The following SMG8 variants were observed in gnomAD, a reference collection of about 807,000 sequenced individuals.
The protein encoded by SMG8 is nonsense-mediated mRNA decay factor SMG8.
In SMG8, 49 loss-of-function variants were observed where a neutral mutation model predicts 82.1. The ratio of observed to expected loss-of-function variants is 0.60; its 90% confidence interval spans 0.47 to 0.76. The LOEUF (loss-of-function observed/expected upper bound fraction) is 0.76. Ranked by LOEUF, SMG8 falls within the 30% of genes least tolerant of loss-of-function variation. SMG8 has a pLI of 0.00. For missense variants in SMG8, 969 were observed against 1,166.4 expected, an observed-to-expected ratio of 0.83 and a Z score of 2.46; for synonymous variants, 404 against 430.0, an observed-to-expected ratio of 0.94 and a Z score of 0.75.
Position 59,210,045 on chromosome 17 carries a change from C to G in SMG8, c.-7C>G. 6.5e-7 allele frequency: 1 copy of G among 1,532,126 alleles called. No individual in the cohort carries two copies. The highest frequency in any genetic ancestry group is 1.8e-4 in the Middle Eastern group (1 of 5,676). 94.9% of individuals were successfully genotyped at this position (1,532,126 alleles called of 1,614,324 possible). On this transcript the variant is annotated 5_prime_UTR_variant, in exon 1 of 4. Transcript: ENST00000300917. ...GACCGGAAGGACTCTAGAGAACGCT[C>G]TGCACTATGGCTGGTCCCGTGAGCT... is the stretch of plus-strand genomic sequence containing the variant.
chr17:59,211,184 G>C lies in SMG8; in HGVS notation c.1133G>C (p.Arg378Pro). ...CCTGCACCCCTTTCTGGGCCTAGGC[G>C]ATACCAGGTGATGAGGCAGCACAGC... ...LVPAPLSGPRRYQVMRQHSRQ... is the reference protein window; with the variant it reads ...LVPAPLSGPRPYQVMRQHSRQ... The change falls in exon 1 of 4, where the codon CGA becomes CCA. Residue 378 changes from arginine (R) to proline (P), a missense_variant. Around this residue, in one of 3 missense-constraint regions of SMG8, gnomAD observed 662 missense variants for 884.8 expected, o/e 0.75. Transcript: ENST00000300917. The C allele has an allele frequency of 6.2e-7, 1 of 1,614,226 alleles. No homozygotes were observed. Among genetic ancestry groups the C allele is most frequent in the Non-Finnish European group, 8.5e-7 (1 of 1,180,026 alleles).
In SMG8 at chr17:59,210,129, C is replaced by A; in HGVS notation, c.78C>A (p.Ser26=). The A allele has an allele frequency of 6.3e-7, 1 of 1,586,490 alleles. No individual in the cohort carries two copies. Among genetic ancestry groups the A allele is most frequent in the Non-Finnish European group, 8.6e-7 (1 of 1,168,406 alleles). ...AWMGSESPGG[S]PTEGGGSAAG... is the part of the protein sequence containing the mutation. ...TGGGCTCTGAAAGTCCCGGAGGGTCCCCTACTGAGGGCGGAGGGAGCGCGG... is the reference window on the plus strand; with the variant it reads ...TGGGCTCTGAAAGTCCCGGAGGGTCACCTACTGAGGGCGGAGGGAGCGCGG... The change falls in exon 1 of 4, where the codon TCC becomes TCA. Residue 26 remains serine, a synonymous_variant. Coordinates refer to ENST00000300917, the MANE Select transcript of SMG8 (RefSeq NM_018149.7).
In SMG8 at chr17:59,211,418, A is replaced by G; in HGVS notation, c.1367A>G (p.Tyr456Cys). The G allele has an allele frequency of 5.0e-6, 8 of 1,614,232 alleles. No homozygotes were observed. Among genetic ancestry groups the G allele is most frequent in the Non-Finnish European group, 6.8e-6 (8 of 1,180,034 alleles). The change falls in exon 1 of 4, where the codon TAT (tyrosine) becomes TGT (cysteine). Residue 456 changes from tyrosine (Y) to cysteine (C), a missense_variant. Coordinates refer to ENST00000300917, the MANE Select transcript of SMG8 (RefSeq NM_018149.7). ...TGGATCTCAGCAGCTTCAAAACTGT[A>G]TGAGGTGGCTATTGATGGGAAAGAA... is the stretch of plus-strand genomic sequence containing the variant. ...QKWISAASKL[Y>C]EVAIDGKEED...
chr17:59,212,576 A>G, intron 2 of SMG8, 90 bp downstream of exon 2: 2 of 1,512,002 alleles, frequency 1.3e-6, no homozygotes, highest in Non-Finnish European at 1.8e-6. Flanking sequence ...CAGAGTAAGT[A>G]GAAAAGCAAA....
Position 59,211,691 on chromosome 17 carries a change from A to G in SMG8, c.1640A>G (p.Tyr547Cys). The change falls in exon 1 of 4, where the codon TAC becomes TGC. Residue 547 changes from tyrosine to cysteine, a missense_variant. Around this residue, in one of 3 missense-constraint regions of SMG8, gnomAD observed 662 missense variants for 884.8 expected, o/e 0.75. Transcript: ENST00000300917. ...GCTAGAGGTCCAGCATTTCACAAAT[A>G]CGCCATGCAGTTACATGAGGACTGC... ...QHARGPAFHKYAMQLHEDCYK... is the reference protein window; with the variant it reads ...QHARGPAFHKCAMQLHEDCYK... The G allele has an allele frequency of 6.2e-7, 1 of 1,614,160 alleles. No individual in the cohort carries two copies. Among genetic ancestry groups the G allele is most frequent in the East Asian group, 2.2e-5 (1 of 44,890 alleles).
Position 59,213,460 on chromosome 17 carries a change from T to C in SMG8, c.2637T>C (p.Ala879=), listed in dbSNP as rs751873867. The C allele has an allele frequency of 6.2e-7, 1 of 1,614,172 alleles. No individual in the cohort carries two copies. Among genetic ancestry groups the C allele is most frequent in the South Asian group, 1.1e-5 (1 of 91,080 alleles). The change falls in exon 3 of 4, where the codon GCT becomes GCC. Residue 879 remains alanine, a synonymous_variant. Coordinates refer to ENST00000300917, the MANE Select transcript of SMG8 (RefSeq NM_018149.7). ...KVMGSGPKES[A]LKALNSDMPL... ...TGGGAAGTGGGCCAAAGGAATCAGC[T>C]TTAAAAGCCCTAAATAGTGACATGC...
chr17:59,213,492 ATATT>A lies in SMG8; in HGVS notation c.2670_2673del (p.Ile891CysfsTer9). The A allele has an allele frequency of 6.2e-7, 1 of 1,614,206 alleles. No individual in the cohort carries two copies. Among genetic ancestry groups the A allele is most frequent in the South Asian group, 1.1e-5 (1 of 91,086 alleles). ...GCCCTAAATAGTGACATGCCCTTATATATTCTGTCATCCTCTCAAGGTAGAGGGC... is the reference window on the plus strand; with the variant it reads ...GCCCTAAATAGTGACATGCCCTTATACTGTCATCCTCTCAAGGTAGAGGGC... On this transcript the variant is annotated frameshift_variant, in exon 3 of 4. Transcript: ENST00000300917. LOFTEE classifies it high-confidence loss of function.
rs780599383 is a variant in SMG8 at position 59,210,458 on chromosome 17, G to C, written c.407G>C (p.Ser136Thr). The change falls in exon 1 of 4, where the codon AGC (serine) becomes ACC (threonine). Residue 136 changes from serine (S) to threonine (T), a missense_variant. Coordinates refer to ENST00000300917, the MANE Select transcript of SMG8 (RefSeq NM_018149.7). ...ACTGAGGCAGGCTCCCAGGACTACA[G>C]CCTTCTGCAGGCCTACTACAGTCAG... ...NRTEAGSQDY[S>T]LLQAYYSQES... 6.2e-7 allele frequency: 1 copy of C among 1,604,012 alleles called. No individual in the cohort carries two copies. The highest frequency in any genetic ancestry group is 2.2e-5 in the East Asian group (1 of 44,850).
At position 59,213,234 on chromosome 17, in the gene SMG8, C is replaced by T. The variant is rs777340666; in HGVS notation, c.2411C>T (p.Thr804Ile). 3.7e-6 allele frequency: 6 copies of T among 1,614,066 alleles called. No homozygotes were observed. The East Asian group carries it at 1.3e-4, about 36-fold the overall frequency. ...ATGCCTTGGGACATTGTCATCAGGA[C>T]TAGAGCTGAAGATGAAGGAGACTTA... ...YLMPWDIVIR[T>I]RAEDEGDLDT... The change falls in exon 3 of 4, where the codon ACT becomes ATT. Residue 804 changes from threonine (T) to isoleucine (I), a missense_variant. Thr to Ile is a moderately conservative substitution (Grantham distance 89). Around this residue, in one of 3 missense-constraint regions of SMG8, gnomAD observed 662 missense variants for 884.8 expected, o/e 0.75. Coordinates refer to ENST00000300917, the MANE Select transcript of SMG8 (RefSeq NM_018149.7).
rs748872871 is a variant in SMG8 at position 59,210,044 on chromosome 17, T to C, written c.-8T>C. 4.6e-6 allele frequency: 7 copies of C among 1,530,960 alleles called. No homozygotes were observed. The highest frequency in any genetic ancestry group is 2.6e-5 in the South Asian group (2 of 77,698). 94.8% of individuals were successfully genotyped at this position (1,530,960 alleles called of 1,614,324 possible). A position where few individuals can be genotyped will look rare whatever the true frequency, so the allele number is the denominator to read the frequency against. On this transcript the variant is annotated 5_prime_UTR_variant, in exon 1 of 4. Transcript: ENST00000300917. ...GGACCGGAAGGACTCTAGAGAACGC[T>C]CTGCACTATGGCTGGTCCCGTGAGC...
chr17:59,211,579 G>T lies in SMG8; in HGVS notation c.1528G>T (p.Ala510Ser). ...CQKALPMAHSAYQSNLPHNYT... is the reference protein window; with the variant it reads ...CQKALPMAHSSYQSNLPHNYT... ...AAAAGCTTTACCCATGGCCCACAGT[G>T]CCTACCAGTCAAATTTGCCTCATAA... Residue 510 changes from alanine (A) to serine (S), a missense_variant, in exon 1 of 4, where the codon GCC becomes TCC. Ala to Ser is a moderately conservative substitution (Grantham distance 99, BLOSUM62 1). Around this residue, in one of 3 missense-constraint regions of SMG8, gnomAD observed 662 missense variants for 884.8 expected, o/e 0.75. Coordinates refer to ENST00000300917, the MANE Select transcript of SMG8 (RefSeq NM_018149.7). 6.2e-7 allele frequency: 1 copy of T among 1,614,156 alleles called. No individual in the cohort carries two copies.
rs768518731 is a variant in SMG8, at chr17:59,210,668, T to G, written c.617T>G (p.Val206Gly). 1.2e-6 allele frequency: 2 copies of G among 1,614,092 alleles called. No homozygotes were observed. The highest frequency in any genetic ancestry group is 4.5e-5 in the East Asian group (2 of 44,890). Residue 206 changes from valine to glycine, a missense_variant, in exon 1 of 4, where the codon GTC (valine) becomes GGC (glycine). Physicochemically the swap from Val to Gly is moderately radical, Grantham distance 109. Coordinates refer to ENST00000300917, the MANE Select transcript of SMG8 (RefSeq NM_018149.7). ...CTCAGTCTCCTTTACCTATTCTCTG[T>G]CTGTCATATCTTGCTTCTGGTCCAT... The part of the protein sequence containing the change: ...QCLSLLYLFS[V>G]CHILLLVHPT...
At position 59,210,896 on chromosome 17, in the gene SMG8, A is replaced by T. The variant is rs1259038282; in HGVS notation, c.845A>T (p.Asn282Ile). 5 of 1,614,168 alleles carry T rather than the reference A, an allele frequency of 3.1e-6. No individual in the cohort carries two copies. Among genetic ancestry groups the T allele is most frequent in the Middle Eastern group, 1.6e-4 (1 of 6,062 alleles). Residue 282 changes from asparagine (N) to isoleucine (I), a missense_variant, in exon 1 of 4, where the codon AAC becomes ATC. Asn to Ile is a moderately radical substitution (Grantham distance 149). Coordinates refer to ENST00000300917, the MANE Select transcript of SMG8 (RefSeq NM_018149.7). Reference protein sequence around the residue: ...NGALKVEPPRNQDPAHPDKPK... With the variant: ...NGALKVEPPRIQDPAHPDKPK... ...GCCCTCAAGGTAGAACCTCCTCGGA[A>T]CCAAGACCCAGCTCATCCAGACAAG... is the stretch of plus-strand genomic sequence containing the variant.
Position 59,210,195 on chromosome 17 carries a change from C to G in SMG8, c.144C>G (p.Cys48Trp). 1 of 1,600,238 alleles carries G rather than the reference C, an allele frequency of 6.2e-7. No homozygotes were observed. The highest frequency in any genetic ancestry group is 8.5e-7 in the Non-Finnish European group (1 of 1,173,050). ...PEPPWREDEI[C>W]VVGIFGKTAL... ...CTCCATGGCGGGAGGATGAGATCTG[C>G]GTTGTGGGAATCTTCGGCAAGACGG... Residue 48 changes from cysteine (C) to tryptophan (W), a missense_variant, in exon 1 of 4, where the codon TGC (cysteine) becomes TGG (tryptophan). By Grantham distance (215) the Cys-to-Trp change is radical. Transcript: ENST00000300917.
chr17:59,213,713 G>A, intron 3 of SMG8, 112 bp downstream of exon 3: 2 of 1,362,088 alleles, frequency 1.5e-6, no homozygotes, highest in East Asian at 2.3e-5. Flanking sequence ...CAGGCTGAGG[G>A]CAGTGGCTCA....
In SMG8 at chr17:59,212,723, CTA is replaced by C; in HGVS notation, c.1906-3_1906-2del. 6.3e-7 allele frequency: 1 copy of C among 1,592,590 alleles called. No homozygotes were observed. Among genetic ancestry groups the C allele is most frequent in the East Asian group, 2.2e-5 (1 of 44,784 alleles). On this transcript the variant is annotated splice_region_variant and splice_polypyrimidine_tract_variant and intron_variant, in intron 2 of 3. Transcript: ENST00000300917. ...CTTACTGGATTTTTTTTCTTACCCT[CTA>C]TAGCTTCTGGAAGAAAAGTGTTGTG... is the stretch of plus-strand genomic sequence containing the variant.
chr17:59,213,039 G>C lies in SMG8; in HGVS notation c.2216G>C (p.Arg739Pro), dbSNP rs144712089. Residue 739 changes from arginine to proline, a missense_variant, in exon 3 of 4, where the codon CGA (arginine) becomes CCA (proline). Physicochemically the swap from Arg to Pro is moderately radical, Grantham distance 103 (BLOSUM62 -2). Transcript: ENST00000300917. ...GAGAAGAGGCCAAACTTCGTTGATC[G>C]ACAGGCATCCACAGTTGAGTATCTC... ...KTEKRPNFVD[R>P]QASTVEYLPG... 3.1e-6 allele frequency: 5 copies of C among 1,614,166 alleles called. No individual in the cohort carries two copies. In the Admixed American group the frequency reaches 8.3e-5, roughly 27 times the overall value.
chr17:59,214,453 C>G (rs949681279), intron 3 of SMG8, among the ~76,000 whole-genome samples: 4 of 152,124 alleles, frequency 2.6e-5, no homozygotes, highest in Non-Finnish European at 2.9e-5. Flanking sequence ...CTCTGTTGCA[C>G]AGGCTGGAGG....
In SMG8 at chr17:59,211,569, G is replaced by C. The variant is rs142667389; in HGVS notation, c.1518G>C (p.Met506Ile). The change falls in exon 1 of 4, where the codon ATG becomes ATC. Residue 506 changes from methionine to isoleucine, a missense_variant. Around this residue, in one of 3 missense-constraint regions of SMG8, gnomAD observed 662 missense variants for 884.8 expected, o/e 0.75. Transcript: ENST00000300917. Reference sequence around the variant, plus strand: ...ACCGATGCCAAAAAGCTTTACCCATGGCCCACAGTGCCTACCAGTCAAATT... The same window carrying C: ...ACCGATGCCAAAAAGCTTTACCCATCGCCCACAGTGCCTACCAGTCAAATT... ...SENRCQKALP[M>I]AHSAYQSNLP... 1.2e-5 allele frequency: 20 copies of C among 1,614,090 alleles called. No homozygotes were observed. In the African/African-American group the frequency reaches 2.0e-4, roughly 16 times the overall value.
Sources: gnomAD v4.1 joint callset for allele counts (sites outside exome capture counted in the v4.1 genomes callset) on GRCh38, gnomAD v4.1.1 for gene constraint, gnomAD v4.1.1 regional missense constraint, MANE v1.5 for transcripts, NCBI Gene and HGNC (gene_info 2026-07-23, HGNC 2026-07-21) for gene names.